SNTG1: variants seen among roughly 807,000 people sequenced by gnomAD.
SNTG1 encodes the protein syntrophin gamma 1.
In SNTG1, 39 loss-of-function variants were observed where a neutral mutation model predicts 74.7. The observed-to-expected ratio is 0.52, with a 90% CI of 0.40 to 0.68. SNTG1 has a LOEUF of 0.68. Ranked by LOEUF, SNTG1 falls within the 30% of genes least tolerant of loss-of-function variation. The pLI is 0.00. For synonymous variants in SNTG1, 254 were observed against 217.1 expected (o/e 1.17, Z -1.49); for missense variants, 685 against 609.5 (o/e 1.12, Z -1.30).
chr8:50,147,759 T>A (rs1366031852), intron 1 of SNTG1, among the ~76,000 whole-genome samples: 1 of 152,182 alleles, frequency 6.6e-6, no homozygotes, highest in Non-Finnish European at 1.5e-5. Flanking sequence ...AGATGCAGGT[T>A]AGGATACATG....
At chr8:50,102,797 C>A (rs965299988) in intron 1 of SNTG1, among the ~76,000 whole-genome samples, 2 of 150,552 alleles carry the variant, frequency 1.3e-5, no homozygotes. Context: ...GTTTTCCCAG[C>A]CCCATTTATT....
At chr8:50,399,044 T>G (rs1452883553) in intron 3 of SNTG1, among the ~76,000 whole-genome samples, 2 of 152,246 alleles carry the variant, frequency 1.3e-5, no homozygotes, top group Non-Finnish European at 2.9e-5. Flanking sequence ...TTTGCAAAAT[T>G]AATAAATGTG....
intron 5 of SNTG1, among the ~76,000 whole-genome samples, chr8:50,447,513 A>G (rs958848430): frequency 5.9e-5 from 9 of 152,178 alleles, no homozygotes; most frequent in Admixed American, 6.5e-5. Flanking sequence ...CATCCTTAAC[A>G]TCCTTTCTAA....
chr8:50,499,929 A>T (rs2093936643), intron 8 of SNTG1, among the ~76,000 whole-genome samples: 1 of 152,080 alleles, frequency 6.6e-6, no homozygotes, highest in South Asian at 2.1e-4. Flanking sequence ...AAAATATTTA[A>T]TAATGTTTAC....
chr8:50,044,720 T>C (rs1334660752), intron 1 of SNTG1, among the ~76,000 whole-genome samples: 2 of 152,212 alleles, frequency 1.3e-5, no homozygotes, highest in Non-Finnish European at 1.5e-5. Context: ...ATAACATCTA[T>C]AAACTGCTGT....
At chr8:50,555,716 C>CT (rs1278947165) in intron 12 of SNTG1, among the ~76,000 whole-genome samples, 2 of 151,868 alleles carry the variant, frequency 1.3e-5, no homozygotes, top group Non-Finnish European at 2.9e-5. Flanking sequence ...AAAGAAATTC[C>CT]ACTCAAGAGA....
At chr8:50,407,182 G>A (rs992721519) in intron 4 of SNTG1, among the ~76,000 whole-genome samples, 1 of 152,138 alleles carries the variant, frequency 6.6e-6, no homozygotes, top group African/African-American at 2.4e-5. Flanking sequence ...AGACAGTAGG[G>A]CAGAGATAAA....
At chr8:50,508,089 C>A (rs1012912263) in intron 9 of SNTG1, among the ~76,000 whole-genome samples, 1 of 152,130 alleles carries the variant, frequency 6.6e-6, no homozygotes, top group African/African-American at 2.4e-5. Flanking sequence ...CCTCAACAGG[C>A]TACGGTATGT....
At chr8:50,347,284 C>A (rs2091508980) in intron 2 of SNTG1, among the ~76,000 whole-genome samples, 1 of 152,176 alleles carries the variant, frequency 6.6e-6, no homozygotes, top group Non-Finnish European at 1.5e-5. Context: ...TCTGCCTGTG[C>A]TCAAGAAATG....
intron 1 of SNTG1, among the ~76,000 whole-genome samples, chr8:50,129,683 C>T (rs2081257345): frequency 6.6e-6 from 1 of 152,124 alleles, no homozygotes; most frequent in Non-Finnish European, 1.5e-5. Context: ...ATAGGTTCCT[C>T]AAGATTAAGA....
At chr8:50,593,483 G>C (rs116463574) in intron 13 of SNTG1, among the ~76,000 whole-genome samples, 2,699 of 151,470 alleles carry the variant, frequency 0.018, 39 homozygotes, top group Middle Eastern at 0.031. Context: ...ACAAGAAGAG[G>C]ACATGGTGCT....
chr8:50,151,263 T>C (rs1295326155), intron 1 of SNTG1, among the ~76,000 whole-genome samples: 1 of 152,202 alleles, frequency 6.6e-6, no homozygotes, highest in East Asian at 1.9e-4. Context: ...TGATATCCCC[T>C]TTATCATTTT....
chr8:50,734,292 A>C (rs1471412810), intron 17 of SNTG1, among the ~76,000 whole-genome samples: 1 of 151,784 alleles, frequency 6.6e-6, no homozygotes, highest in African/African-American at 2.4e-5. Flanking sequence ...GATCAAGTGT[A>C]GTATTTATAT....
chr8:50,607,807 A>G lies in SNTG1; in HGVS notation c.849+16890A>G, dbSNP rs937463033. ...TTTTTAGCTTATTGAAATGTAACATAAGTTTTACATCTTTCAGCCTAACAT... is the reference window on the plus strand; with the variant it reads ...TTTTTAGCTTATTGAAATGTAACATGAGTTTTACATCTTTCAGCCTAACAT... On this transcript the variant is annotated intron_variant, in intron 13 of 18. Coordinates refer to ENST00000642720, the MANE Select transcript of SNTG1 (RefSeq NM_018967.5). Among the ~76,000 whole-genome samples the G allele has an allele frequency of 5.9e-5, 9 of 151,628 alleles. No homozygotes were observed. The South Asian group carries it at 8.3e-4, about 14-fold the overall frequency.
At chr8:50,119,894 A>C (rs2080940516) in intron 1 of SNTG1, among the ~76,000 whole-genome samples, 2 of 142,466 alleles carry the variant, frequency 1.4e-5, no homozygotes, top group Non-Finnish European at 3.1e-5. Context: ...GATATGCATT[A>C]CATACTTCTT....
At chr8:50,616,765 C>T (rs150351650) in intron 13 of SNTG1, among the ~76,000 whole-genome samples, 141 of 152,274 alleles carry the variant, frequency 9.3e-4, no homozygotes, top group African/African-American at 3.1e-3. Context: ...ACAGAAAATG[C>T]AGGAGCATTA....
chr8:50,258,325 A>C (rs1488058842), intron 2 of SNTG1, among the ~76,000 whole-genome samples: 1 of 152,236 alleles, frequency 6.6e-6, no homozygotes, highest in Non-Finnish European at 1.5e-5. Flanking sequence ...ATGCTATTTT[A>C]ATGTGTATAC....
At chr8:50,331,679 A>G (rs1342058430) in intron 2 of SNTG1, among the ~76,000 whole-genome samples, 3 of 152,192 alleles carry the variant, frequency 2.0e-5, no homozygotes, top group Admixed American at 6.5e-5. Flanking sequence ...CATGAGAGAT[A>G]GCAGTAGCTT....
intron 2 of SNTG1, among the ~76,000 whole-genome samples, chr8:50,321,993 A>G (rs941159665): frequency 2.0e-5 from 3 of 152,216 alleles, no homozygotes; most frequent in Non-Finnish European, 4.4e-5. Context: ...GTGTTATAAT[A>G]TTCTTTATTT....
Sources: allele counts gnomAD v4.1 joint callset (sites outside exome capture counted in the v4.1 genomes callset), GRCh38; gene constraint gnomAD v4.1.1; transcripts MANE v1.5; gene names NCBI Gene and HGNC (gene_info 2026-07-23, HGNC 2026-07-21).